The following PCDH11X variants were observed in gnomAD, a reference collection of about 807,000 sequenced individuals.
PCDH11X encodes the protein protocadherin-11 X-linked.
A neutral mutation model predicts 53.3 loss-of-function variants in PCDH11X; 18 were observed. That is an observed-to-expected ratio of 0.34 (90% CI 0.23 to 0.50). The LOEUF is 0.50. PCDH11X is among the 20% of genes least tolerant of loss of function. PCDH11X has a pLI of 0.98. For synonymous variants in PCDH11X, 279 were observed against 393.3 expected, an observed-to-expected ratio of 0.71 and a Z score of 3.44; for missense variants, 570 against 1,032.4, an observed-to-expected ratio of 0.55 and a Z score of 6.14.
At chrX:92,454,940 A>C (rs185118601) in intron 9 of PCDH11X, among the ~76,000 whole-genome samples, 1,116 of 109,017 alleles carry the variant, frequency 0.01, 10 homozygotes, top group Non-Finnish European at 0.016. Flanking sequence ...TTGCACAAAA[A>C]TTTTGAGAAA....
chrX:92,196,788 T>C (rs2066299320), intron 6 of PCDH11X, among the ~76,000 whole-genome samples: 1 of 110,631 alleles, frequency 9.0e-6, no homozygotes, highest in Non-Finnish European at 1.9e-5. Flanking sequence ...TTCTCTTGTA[T>C]TAAAGTGGTA....
At chrX:92,445,122 C>T (rs2072607088) in intron 9 of PCDH11X, among the ~76,000 whole-genome samples, 1 of 100,244 alleles carries the variant, frequency 1.0e-5, no homozygotes, top group African/African-American at 3.6e-5. Flanking sequence ...GGAATAGTTT[C>T]AGTAGAATTG....
At chrX:92,152,414 A>T (rs1193418276) in intron 6 of PCDH11X, among the ~76,000 whole-genome samples, 1 of 111,642 alleles carries the variant, frequency 9.0e-6, no homozygotes, top group African/African-American at 3.3e-5. Context: ...AAAAAATATT[A>T]AATCAAATGT....
chrX:91,991,983 A>G (rs1246811062), intron 6 of PCDH11X, among the ~76,000 whole-genome samples: 4 of 109,322 alleles, frequency 3.7e-5, no homozygotes, highest in African/African-American at 1.3e-4. Context: ...AACAATATCT[A>G]ACTCTGCTTT....
At chrX:91,909,761 G>A (rs1204396838) in intron 6 of PCDH11X, among the ~76,000 whole-genome samples, 1 of 110,042 alleles carries the variant, frequency 9.1e-6, no homozygotes, top group Admixed American at 9.8e-5. Context: ...AAATTATTGA[G>A]TTGTCTGATT....
chrX:92,006,814 G>T (rs1318414192), intron 6 of PCDH11X, among the ~76,000 whole-genome samples: 1 of 111,103 alleles, frequency 9.0e-6, no homozygotes. Flanking sequence ...CTTCTTTAGG[G>T]GGCACTCCAA....
intron 9 of PCDH11X, among the ~76,000 whole-genome samples, chrX:92,423,849 G>C (rs1168803676): frequency 1.0e-5 from 1 of 97,064 alleles, no homozygotes; most frequent in Non-Finnish European, 2.3e-5. Context: ...ATTTGTCTAT[G>C]TGCCTATTTT....
intron 8 of PCDH11X, among the ~76,000 whole-genome samples, chrX:92,315,543 T>A (rs1241194057): frequency 5.4e-5 from 6 of 111,483 alleles, no homozygotes; most frequent in African/African-American, 1.6e-4. Context: ...TATTTAAGTT[T>A]TTTTTGTTTT....
At chrX:92,093,748 T>G (rs35772825) in intron 6 of PCDH11X, among the ~76,000 whole-genome samples, 1 of 110,895 alleles carries the variant, frequency 9.0e-6, no homozygotes, top group African/African-American at 3.3e-5. Context: ...CCAAGAATGA[T>G]AAATGTCTAG....
intron 6 of PCDH11X, among the ~76,000 whole-genome samples, chrX:92,021,511 C>T (rs1442005109): frequency 4.6e-5 from 5 of 109,502 alleles, no homozygotes; most frequent in East Asian, 2.9e-4. Context: ...CTGAGAAATA[C>T]GGGGCAATGT....
At chrX:92,473,262 G>C (rs752957442) in intron 10 of PCDH11X, among the ~76,000 whole-genome samples, 119 of 108,843 alleles carry the variant, frequency 1.1e-3, no homozygotes, top group Non-Finnish European at 1.8e-3. Context: ...GCTAATAATG[G>C]CCATTAATCA....
intron 6 of PCDH11X, among the ~76,000 whole-genome samples, chrX:91,932,398 G>T (rs757268297): frequency 9.7e-6 from 1 of 103,233 alleles, no homozygotes; most frequent in East Asian, 3.1e-4. Context: ...GACAGGGGGA[G>T]AAGTTTGGAA....
At chrX:91,859,911 T>C (rs1046402539) in intron 5 of PCDH11X, among the ~76,000 whole-genome samples, 1 of 111,437 alleles carries the variant, frequency 9.0e-6, no homozygotes, top group Non-Finnish European at 1.9e-5. Flanking sequence ...CCTCCAGCTT[T>C]GTTGTTTTCG....
At chrX:91,967,129 G>A (rs1189951458) in intron 6 of PCDH11X, among the ~76,000 whole-genome samples, 1 of 109,618 alleles carries the variant, frequency 9.1e-6, no homozygotes, top group Non-Finnish European at 1.9e-5. Flanking sequence ...ATGGCTTCCA[G>A]CTTCATCCAA....
intron 7 of PCDH11X, among the ~76,000 whole-genome samples, chrX:92,223,618 G>T (rs2066918778): frequency 8.9e-6 from 1 of 111,948 alleles, no homozygotes; most frequent in Admixed American, 9.5e-5. Context: ...GGGCTTTGAG[G>T]TCAGATAATT....
intron 10 of PCDH11X, among the ~76,000 whole-genome samples, chrX:92,604,668 A>T (rs948650860): frequency 4.5e-5 from 5 of 111,302 alleles, no homozygotes; most frequent in African/African-American, 1.6e-4. Flanking sequence ...GTGTCAGAAT[A>T]CAAAATAAGA....
Position 92,205,597 on chromosome X carries a change from GTTT to G in PCDH11X, c.3114+4160_3114+4162del, listed in dbSNP as rs5902997. Among the ~76,000 whole-genome samples the G allele has an allele frequency of 3.8e-3, 261 of 68,402 alleles. 1 individual carries two copies. The highest frequency in any genetic ancestry group is 6.4e-3 in the South Asian group (7 of 1,096). 59.4% of individuals were successfully genotyped at this position (68,402 alleles called of 115,157 possible). A position where few individuals can be genotyped will look rare whatever the true frequency, so the allele number is the denominator to read the frequency against. ...ATGAATAAGAAGATGCTAAATCAATGTTTTTTTTTTTTTTTTTTTTGAGACTGA... is the reference window on the plus strand; with the variant it reads ...ATGAATAAGAAGATGCTAAATCAATGTTTTTTTTTTTTTTTTTGAGACTGA... On this transcript the variant is annotated intron_variant, in intron 7 of 10. Transcript: ENST00000682573.
chrX:91,872,675 A>G (rs1939390688), intron 5 of PCDH11X, among the ~76,000 whole-genome samples: 1 of 105,298 alleles, frequency 9.5e-6, no homozygotes, highest in African/African-American at 3.4e-5. Flanking sequence ...GTGCAGGTCA[A>G]TTCTTCCAAA....
intron 6 of PCDH11X, among the ~76,000 whole-genome samples, chrX:92,050,555 G>A (rs755144414): frequency 3.0e-4 from 30 of 101,381 alleles, no homozygotes; most frequent in Admixed American, 2.7e-3. Context: ...TGTGACCTTG[G>A]ACAAGTTAAC....
Sources: gnomAD v4.1 joint callset for allele counts (sites outside exome capture counted in the v4.1 genomes callset) on GRCh38, gnomAD v4.1.1 for gene constraint, MANE v1.5 for transcripts, NCBI Gene and HGNC (gene_info 2026-07-23, HGNC 2026-07-21) for gene names.